Variants in NAALADL2 observed in about 807,000 individuals in gnomAD.
NAALADL2 encodes the protein inactive N-acetylated-alpha-linked acidic dipeptidase-like protein 2.
A neutral mutation model predicts 87.2 loss-of-function variants in NAALADL2; 76 were observed. The observed-to-expected ratio is 0.87, with a 90% CI of 0.72 to 1.05. The LOEUF (loss-of-function observed/expected upper bound fraction) is 1.05. NAALADL2 is among the 50% of genes least tolerant of loss of function. The pLI is 0.00. For missense variants in NAALADL2, 1,089 were observed against 945.8 expected (o/e 1.15, Z -1.99); for synonymous variants, 354 against 331.0 (o/e 1.07, Z -0.75).
intron 9 of NAALADL2, among the ~76,000 whole-genome samples, chr3:175,551,296 G>A (rs1714316882): frequency 6.6e-6 from 1 of 152,110 alleles, no homozygotes; most frequent in Admixed American, 6.5e-5. Flanking sequence ...AGCAAGATAG[G>A]CTTTCAGAGA....
At chr3:175,107,249 G>C (rs1035579196) in intron 2 of NAALADL2, among the ~76,000 whole-genome samples, 10 of 151,916 alleles carry the variant, frequency 6.6e-5, no homozygotes, top group African/African-American at 2.4e-4. Flanking sequence ...AGTAGGCTTG[G>C]AATAAAGCTG....
chr3:174,839,455 A>G (rs1041905972), intron 3 of NAALADL2, among the ~76,000 whole-genome samples: 14 of 152,138 alleles, frequency 9.2e-5, no homozygotes, highest in African/African-American at 3.4e-4. Context: ...ATGACCAAGA[A>G]CCCAAAAGCA....
At chr3:174,672,171 T>G (rs1268572844) in intron 2 of NAALADL2, among the ~76,000 whole-genome samples, 1 of 152,124 alleles carries the variant, frequency 6.6e-6, no homozygotes, top group Admixed American at 6.6e-5. Context: ...TGCATTTCAA[T>G]GTTTACTTTT....
chr3:175,228,604 T>A (rs1280139610), intron 2 of NAALADL2, among the ~76,000 whole-genome samples: 1 of 151,938 alleles, frequency 6.6e-6, no homozygotes, highest in African/African-American at 2.4e-5. Flanking sequence ...ATGAAAGAGC[T>A]GTGATTCAAA....
In NAALADL2 at chr3:175,369,120, C is replaced by A. The variant is rs141763202; in HGVS notation, c.1090+44795C>A. Among the ~76,000 whole-genome samples the A allele has an allele frequency of 3.1e-3, 472 of 152,214 alleles. 3 individuals carry two copies. The highest frequency in any genetic ancestry group is 0.011 in the African/African-American group (440 of 41,526). On this transcript the variant is annotated intron_variant, in intron 5 of 13. Transcript: ENST00000454872. ...ACTAATGTCACAATGAGAACAATGC[C>A]ACTAGAGTTTTTCAGCTCCACTATA...
intron 3 of NAALADL2, among the ~76,000 whole-genome samples, chr3:174,745,657 A>G (rs1467136091): frequency 6.6e-6 from 1 of 152,182 alleles, no homozygotes; most frequent in Non-Finnish European, 1.5e-5. Context: ...AACTTCAGCC[A>G]ATATCCCTGA....
intron 1 of NAALADL2, among the ~76,000 whole-genome samples, chr3:174,478,191 A>C (rs1717332342): frequency 6.6e-6 from 1 of 152,134 alleles, no homozygotes; most frequent in Non-Finnish European, 1.5e-5. Flanking sequence ...ATTTAGAAGG[A>C]AATATTTGTC....
intron 1 of NAALADL2, among the ~76,000 whole-genome samples, chr3:175,094,754 TATA>T (rs144075799): frequency 0.015 from 749 of 48,574 alleles, 4 homozygotes; most frequent in East Asian, 0.11. Context: ...CACCAGACAC[TATA>T]GTGTGTGTGT....
intron 1 of NAALADL2, among the ~76,000 whole-genome samples, chr3:174,531,279 T>A (rs1212354797): frequency 1.3e-5 from 2 of 152,070 alleles, no homozygotes; most frequent in South Asian, 2.1e-4. Flanking sequence ...TTTTTTTTTT[T>A]ATTCTTTTGG....
chr3:175,567,148 T>C (rs895938162), intron 9 of NAALADL2, among the ~76,000 whole-genome samples: 2 of 152,192 alleles, frequency 1.3e-5, no homozygotes, highest in Non-Finnish European at 2.9e-5. Context: ...ATCTGAATAT[T>C]TTCTAATGTT....
chr3:175,573,453 G>A (rs1255108103), intron 9 of NAALADL2, among the ~76,000 whole-genome samples: 7 of 152,014 alleles, frequency 4.6e-5, no homozygotes, highest in Non-Finnish European at 8.8e-5. Context: ...AATACCTCTG[G>A]CCCTATTCAG....
At chr3:175,595,350 G>A (rs953959179) in intron 10 of NAALADL2, among the ~76,000 whole-genome samples, 10 of 151,920 alleles carry the variant, frequency 6.6e-5, no homozygotes, top group Admixed American at 1.3e-4. Flanking sequence ...TGTTCCATTG[G>A]TCTATGTGTC....
intron 10 of NAALADL2, among the ~76,000 whole-genome samples, chr3:175,597,518 T>C (rs1439448104): frequency 6.6e-6 from 1 of 151,990 alleles, no homozygotes; most frequent in East Asian, 1.9e-4. Flanking sequence ...TTAATCTCTT[T>C]ATCTATAGAG....
chr3:175,401,407 T>C (rs1770549014), intron 5 of NAALADL2, among the ~76,000 whole-genome samples: 1 of 152,148 alleles, frequency 6.6e-6, no homozygotes, highest in Non-Finnish European at 1.5e-5. Context: ...AAAGGATTTA[T>C]ATTTTGAATG....
intron 1 of NAALADL2, among the ~76,000 whole-genome samples, chr3:174,460,185 A>G (rs1420962891): frequency 1.3e-5 from 2 of 152,032 alleles, no homozygotes; most frequent in Admixed American, 6.6e-5. Flanking sequence ...TTTTCTTTTC[A>G]TATCATATAA....
chr3:174,696,851 T>G (rs539372082), intron 2 of NAALADL2, among the ~76,000 whole-genome samples: 3 of 152,206 alleles, frequency 2.0e-5, no homozygotes, highest in African/African-American at 7.2e-5. Flanking sequence ...TCAACATGGC[T>G]CATCCTTTGA....
intron 2 of NAALADL2, among the ~76,000 whole-genome samples, chr3:174,609,398 TG>T (rs1016583003): frequency 2.6e-5 from 4 of 151,908 alleles, no homozygotes; most frequent in Admixed American, 1.3e-4. Flanking sequence ...ACAACATGAT[TG>T]TATATCTAGA....
intron 1 of NAALADL2, among the ~76,000 whole-genome samples, chr3:174,503,422 A>G (rs934173435): frequency 4.6e-5 from 7 of 152,190 alleles, no homozygotes; most frequent in Non-Finnish European, 8.8e-5. Context: ...AATTTTTTTA[A>G]AAAAGGAGTT....
chr3:175,396,665 A>G (rs1769837455), intron 5 of NAALADL2, among the ~76,000 whole-genome samples: 1 of 152,082 alleles, frequency 6.6e-6, no homozygotes, highest in African/African-American at 2.4e-5. Context: ...CTCATCTTGA[A>G]TTGTAGTTCC....
Sources: allele counts gnomAD v4.1 joint callset (sites outside exome capture counted in the v4.1 genomes callset), GRCh38; gene constraint gnomAD v4.1.1; transcripts MANE v1.5; gene names NCBI Gene and HGNC (gene_info 2026-07-23, HGNC 2026-07-21).